UNC5D: variants seen among roughly 807,000 people sequenced by gnomAD.
UNC5D encodes the protein netrin receptor UNC5D.
UNC5D carries 39 observed loss-of-function variants against 105.4 expected under a neutral mutation model. The ratio of observed to expected loss-of-function variants is 0.37; its 90% CI spans 0.29 to 0.48. UNC5D has a LOEUF of 0.48. Among genes scored for constraint, UNC5D ranks in the 20% least tolerant of loss-of-function variants. The pLI is 0.98. For missense variants in UNC5D, 991 were observed against 1,202.4 expected, an observed-to-expected ratio of 0.82 and a Z score of 2.60; for synonymous variants, 452 against 450.4, an observed-to-expected ratio of 1.00 and a Z score of -0.04.
intron 1 of UNC5D, among the ~76,000 whole-genome samples, chr8:35,338,866 G>A (rs1479584226): frequency 6.6e-6 from 1 of 151,890 alleles, no homozygotes; most frequent in African/African-American, 2.4e-5. Flanking sequence ...ACAGGATCAG[G>A]CCCTTGAAAG....
At chr8:35,564,367 T>G (rs1817180067) in intron 2 of UNC5D, among the ~76,000 whole-genome samples, 1 of 152,196 alleles carries the variant, frequency 6.6e-6, no homozygotes, top group Non-Finnish European at 1.5e-5. Flanking sequence ...CTCCCTGTTC[T>G]GCAATATAGG....
intron 1 of UNC5D, among the ~76,000 whole-genome samples, chr8:35,548,886 T>C (rs1815897530): frequency 6.6e-6 from 1 of 152,222 alleles, no homozygotes; most frequent in South Asian, 2.1e-4. Flanking sequence ...CATACATGTG[T>C]GGGAGAACAA....
chr8:35,426,780 CATT>C (rs1806277949), intron 1 of UNC5D, among the ~76,000 whole-genome samples: 1 of 152,088 alleles, frequency 6.6e-6, no homozygotes. Context: ...GTTCCAGAAC[CATT>C]ATTGTTAGCT....
intron 1 of UNC5D, among the ~76,000 whole-genome samples, chr8:35,236,596 G>A (rs1802488599): frequency 6.6e-6 from 1 of 152,190 alleles, no homozygotes; most frequent in South Asian, 2.1e-4. Context: ...CCGAGCCGCA[G>A]GGAAACCTCT....
intron 1 of UNC5D, among the ~76,000 whole-genome samples, chr8:35,396,933 G>A (rs1281884291): frequency 6.6e-6 from 1 of 150,608 alleles, no homozygotes; most frequent in African/African-American, 2.4e-5. Context: ...TTGTTATTTT[G>A]AGATGGAGTC....
In UNC5D at chr8:35,512,557, A is replaced by G. The variant is rs1382433001; in HGVS notation, c.104-36735A>G. Among the ~76,000 whole-genome samples, 7 of 89,790 alleles carry G rather than the reference A, an allele frequency of 7.8e-5. 1 individual carries two copies. The highest frequency in any genetic ancestry group is 3.9e-4 in the African/African-American group (7 of 17,906). The allele number at this position is 89,790 out of a possible 152,430, so 58.9% of individuals were successfully genotyped here. A position where few individuals can be genotyped will look rare whatever the true frequency, so the allele number is the denominator to read the frequency against. On this transcript the variant is annotated intron_variant, in intron 1 of 16. Transcript: ENST00000404895. ...TATGTATGTATATATATATATATAT[A>G]TATATATATATATCTGAATAGATTA...
intron 1 of UNC5D, among the ~76,000 whole-genome samples, chr8:35,437,466 A>G (rs1807095222): frequency 6.6e-6 from 1 of 152,136 alleles, no homozygotes; most frequent in African/African-American, 2.4e-5. Flanking sequence ...GTTCAGCTGA[A>G]GGAAATATCT....
intron 1 of UNC5D, among the ~76,000 whole-genome samples, chr8:35,436,825 C>T (rs1488536427): frequency 6.6e-6 from 1 of 152,022 alleles, no homozygotes; most frequent in Non-Finnish European, 1.5e-5. Context: ...GACAGACATA[C>T]ATACACACAT....
chr8:35,620,335 A>G (rs1409732081), intron 4 of UNC5D, among the ~76,000 whole-genome samples: 2 of 152,218 alleles, frequency 1.3e-5, no homozygotes, highest in Non-Finnish European at 2.9e-5. Context: ...TTAAAGGCAA[A>G]CAAAGGAGAG....
At chr8:35,239,176 AC>A (rs1802651387) in intron 1 of UNC5D, among the ~76,000 whole-genome samples, 1 of 151,900 alleles carries the variant, frequency 6.6e-6, no homozygotes, top group Admixed American at 6.6e-5. Context: ...CCCTTTGCAT[AC>A]TTTTTTTGCT....
intron 1 of UNC5D, among the ~76,000 whole-genome samples, chr8:35,548,819 G>A (rs565176627): frequency 2.0e-5 from 3 of 152,238 alleles, no homozygotes; most frequent in African/African-American, 7.2e-5. Context: ...AGACCATTTG[G>A]AATCTTTTGA....
intron 1 of UNC5D, among the ~76,000 whole-genome samples, chr8:35,274,050 C>G (rs980541674): frequency 1.3e-5 from 2 of 151,858 alleles, no homozygotes; most frequent in Non-Finnish European, 2.9e-5. Context: ...TCTACCTCAA[C>G]TGACTGAGCA....
intron 11 of UNC5D, among the ~76,000 whole-genome samples, chr8:35,738,643 A>G (rs1007498621): frequency 2.0e-5 from 3 of 152,214 alleles, no homozygotes; most frequent in Non-Finnish European, 2.9e-5. Context: ...TCTGTTTCTC[A>G]TAACACTCTG....
intron 1 of UNC5D, among the ~76,000 whole-genome samples, chr8:35,534,899 A>G (rs1426312266): frequency 4.6e-5 from 7 of 152,066 alleles, no homozygotes; most frequent in Non-Finnish European, 1.0e-4. Context: ...CTAACATGAA[A>G]GTTTTGAAAC....
intron 2 of UNC5D, among the ~76,000 whole-genome samples, chr8:35,562,403 C>A (rs1301898340): frequency 6.6e-6 from 1 of 152,030 alleles, no homozygotes; most frequent in Admixed American, 6.6e-5. Flanking sequence ...TTTCAAGGAA[C>A]CTTTATACTG....
intron 1 of UNC5D, among the ~76,000 whole-genome samples, chr8:35,330,756 A>G (rs1032456475): frequency 6.6e-6 from 1 of 152,210 alleles, no homozygotes; most frequent in Non-Finnish European, 1.5e-5. Flanking sequence ...GAAAAAACCT[A>G]TAAAATTTAA....
At chr8:35,507,836 C>T (rs1469583387) in intron 1 of UNC5D, among the ~76,000 whole-genome samples, 1 of 152,072 alleles carries the variant, frequency 6.6e-6, no homozygotes, top group Non-Finnish European at 1.5e-5. Flanking sequence ...GATTATTACA[C>T]AGTACATTCC....
chr8:35,759,469 G>C lies in UNC5D; in HGVS notation c.2313G>C (p.Gln771His). 1 of 1,610,442 alleles carries C rather than the reference G, an allele frequency of 6.2e-7. No individual in the cohort carries two copies. Among genetic ancestry groups the C allele is most frequent in the Non-Finnish European group, 8.5e-7 (1 of 1,179,168 alleles). ...LWRIKPFTAC[Q>H]EVPFSRVWCS... ...GAATTAAACCATTCACTGCCTGCCAGGTACTGGCCAAATGGGTTTCTAACA... is the reference window on the plus strand; with the variant it reads ...GAATTAAACCATTCACTGCCTGCCACGTACTGGCCAAATGGGTTTCTAACA... The change falls in exon 14 of 17, where the codon CAG (glutamine) becomes CAC (histidine). Residue 771 changes from glutamine to histidine, a missense_variant and splice_region_variant. By Grantham distance (24) the Gln-to-His change is conservative (BLOSUM62 0). Around this residue, in one of 3 missense-constraint regions of UNC5D, gnomAD observed 944 missense variants for 1,131.6 expected, o/e 0.83. Coordinates refer to ENST00000404895, the MANE Select transcript of UNC5D (RefSeq NM_080872.4).
chr8:35,698,236 CTT>C (rs397893134), intron 7 of UNC5D, among the ~76,000 whole-genome samples: 106 of 139,640 alleles, frequency 7.6e-4, no homozygotes, highest in Admixed American at 1.4e-3. Context: ...CACATAGCTC[CTT>C]TTTTTTTTTT....
Sources: gnomAD v4.1 joint callset for allele counts (sites outside exome capture counted in the v4.1 genomes callset) on GRCh38, gnomAD v4.1.1 for gene constraint, gnomAD v4.1.1 regional missense constraint, MANE v1.5 for transcripts, NCBI Gene and HGNC (gene_info 2026-07-23, HGNC 2026-07-21) for gene names.